Variants in DST observed in about 807,000 individuals in gnomAD.
The protein encoded by DST is bullous pemphigoid antigen.
In DST, 253 loss-of-function variants were observed where a neutral mutation model predicts 875.2. The observed-to-expected ratio is 0.29, with a 90% CI of 0.26 to 0.32. The LOEUF is 0.32. DST is among the 10% of genes least tolerant of loss of function. The pLI, the probability that DST is intolerant of heterozygous loss-of-function variation, is 1.00. For synonymous variants in DST, 3,124 were observed against 3,197.1 expected, an observed-to-expected ratio of 0.98 and a Z score of 0.77; for missense variants, 8,287 against 9,111.6, an observed-to-expected ratio of 0.91 and a Z score of 3.68.
chr6:56,535,164 C>G lies in DST; in HGVS notation c.16899G>C (p.Ser5633=), dbSNP rs369986184. 1 of 1,613,672 alleles carries G rather than the reference C, an allele frequency of 6.2e-7. No individual in the cohort carries two copies. The highest frequency in any genetic ancestry group is 1.3e-5 in the African/African-American group (1 of 74,900). ...GGGCCTTTACCACTTTGAACTCAGC[C>G]GACGGGGGCTTCTGATTGGCCACAA... is the stretch of plus-strand genomic sequence containing the variant. ...EELVANQKPP[S]AEFKVVKAQI... is the part of the protein sequence containing the mutation. Residue 5633 remains serine (S), a synonymous_variant, in exon 63 of 104, where the codon TCG becomes TCC. Transcript: ENST00000680361.
chr6:56,845,128 C>T (rs1323069398), intron 4 of DST, among the ~76,000 whole-genome samples: 1 of 152,188 alleles, frequency 6.6e-6, no homozygotes, highest in Non-Finnish European at 1.5e-5. Flanking sequence ...AGTACAGTGA[C>T]AGGATGATAC....
chr6:56,747,729 A>G (rs1589571251), intron 4 of DST, among the ~76,000 whole-genome samples: 3 of 152,268 alleles, frequency 2.0e-5, no homozygotes, highest in South Asian at 4.1e-4. Context: ...TATACCCCAA[A>G]GCACAGAGAT....
intron 32 of DST, among the ~76,000 whole-genome samples, chr6:56,628,424 T>C (rs1156463429): frequency 6.6e-6 from 1 of 152,180 alleles, no homozygotes; most frequent in Non-Finnish European, 1.5e-5. Flanking sequence ...AAGCTAAACT[T>C]AAAAAGCAAG....
At chr6:56,493,911 G>C in intron 83 of DST, 99 bp downstream of exon 83, 1 of 927,498 alleles carries the variant, frequency 1.1e-6, no homozygotes, top group Non-Finnish European at 1.5e-6. Flanking sequence ...ATAAATCATT[G>C]AAAGTTCTAC....
intron 4 of DST, among the ~76,000 whole-genome samples, chr6:56,761,851 T>C (rs930637506): frequency 2.0e-5 from 3 of 152,208 alleles, no homozygotes; most frequent in African/African-American, 4.8e-5. Context: ...CAAATAATTA[T>C]ATATAGAAAC....
intron 54 of DST, among the ~76,000 whole-genome samples, chr6:56,569,631 A>T (rs1371497681): frequency 6.6e-6 from 1 of 152,202 alleles, no homozygotes; most frequent in Non-Finnish European, 1.5e-5. Flanking sequence ...TCAGCAACTC[A>T]TTAATTCACC....
At chr6:56,940,839 G>A (rs539966967) in intron 2 of DST, among the ~76,000 whole-genome samples, 5 of 151,304 alleles carry the variant, frequency 3.3e-5, no homozygotes, top group South Asian at 2.1e-4. Flanking sequence ...ATCCTCCCCC[G>A]TCAGCCTCCC....
chr6:56,639,326 A>T lies in DST; in HGVS notation c.2897T>A (p.Ile966Asn), dbSNP rs753002748. ...MRELDQKEENIKSVQEIAEQL... is the reference protein window; with the variant it reads ...MRELDQKEENNKSVQEIAEQL... Reference sequence around the variant, plus strand: ...CTCTGCTATCTCCTGAACTGATTTAATATTTTCTTCCTTTTGATCAAGTTC... The same window carrying T: ...CTCTGCTATCTCCTGAACTGATTTATTATTTTCTTCCTTTTGATCAAGTTC... The change falls in exon 22 of 104, where the codon ATT (isoleucine) becomes AAT (asparagine). Residue 966 changes from isoleucine (I) to asparagine (N), a missense_variant. This residue lies in a region of DST where 1,160 missense variants were observed against 1,424.3 expected (regional missense o/e 0.81). Transcript: ENST00000680361. 3.7e-6 allele frequency: 6 copies of T among 1,613,784 alleles called. No homozygotes were observed. The East Asian group carries it at 1.1e-4, about 30-fold the overall frequency.
rs1472787333 is a variant in DST at position 56,508,733 on chromosome 6, T to C, written c.19035A>G (p.Gln6345=). ...SAKAVQDKLD[Q]MVFIWENIHT... is the part of the protein sequence containing the mutation. Reference sequence around the variant, plus strand: ...GTATGTTCTCCCAAATGAAAACCATTTGGTCAAGCTTATCCTGAACAGCTA... The same window carrying C: ...GTATGTTCTCCCAAATGAAAACCATCTGGTCAAGCTTATCCTGAACAGCTA... Residue 6345 remains glutamine, a synonymous_variant, in exon 75 of 104, where the codon CAA becomes CAG. Coordinates refer to ENST00000680361, the MANE Select transcript of DST (RefSeq NM_001374736.1). 1 of 1,613,520 alleles carries C rather than the reference T, an allele frequency of 6.2e-7. No homozygotes were observed.
rs751132203 is a variant in DST, at chr6:56,603,239, G to A, written c.11123C>T (p.Thr3708Met). The A allele has an allele frequency of 1.4e-5, 23 of 1,606,502 alleles. No individual in the cohort carries two copies. The highest frequency in any genetic ancestry group is 1.2e-4 in the South Asian group (11 of 90,160). Residue 3708 changes from threonine to methionine, a missense_variant, in exon 42 of 104, where the codon ACG becomes ATG. Transcript: ENST00000680361. The part of the protein sequence containing the change: ...SSLSNVSSER[T>M]KQIMLAIDSE... ...GTCGATCGCAAGCATGATCTGTTTC[G>A]TTCTTTCTGAAGACACGTTGCTGAG...
At chr6:56,495,266 A>G (rs2095866992) in intron 82 of DST, among the ~76,000 whole-genome samples, 3 of 151,976 alleles carry the variant, frequency 2.0e-5, no homozygotes, top group Non-Finnish European at 4.4e-5. Context: ...AAAGAACTTT[A>G]TTGAAATGAT....
chr6:56,638,408 C>G (rs1446238468), intron 22 of DST, among the ~76,000 whole-genome samples: 1 of 152,074 alleles, frequency 6.6e-6, no homozygotes. Flanking sequence ...TCCTGATGAG[C>G]CTAGAATTGT....
intron 4 of DST, among the ~76,000 whole-genome samples, chr6:56,746,352 C>A (rs1032353672): frequency 6.6e-6 from 1 of 152,058 alleles, no homozygotes; most frequent in Non-Finnish European, 1.5e-5. Context: ...ACTTTCTGAA[C>A]CAATAACTCT....
Position 56,517,574 on chromosome 6 carries a change from T to C in DST, c.18176A>G (p.Glu6059Gly), listed in dbSNP as rs1042703628. 6 of 1,613,346 alleles carry C rather than the reference T, an allele frequency of 3.7e-6. No homozygotes were observed. The highest frequency in any genetic ancestry group is 5.1e-6 in the Non-Finnish European group (6 of 1,179,600). ...DAELSWITET[E>G]KKLMSLGDIR... Reference sequence around the variant, plus strand: ...GTCACCCAGAGACATCAATTTTTTTTCTGTTTCAGTAATCCAGGATAACTC... The same window carrying C: ...GTCACCCAGAGACATCAATTTTTTTCCTGTTTCAGTAATCCAGGATAACTC... The change falls in exon 70 of 104, where the codon GAA becomes GGA. Residue 6059 changes from glutamate (E) to glycine (G), a missense_variant. Transcript: ENST00000680361.
intron 4 of DST, chr6:56,844,100 T>G (rs942025276): frequency 2.6e-5 from 4 of 152,502 alleles, no homozygotes; most frequent in Non-Finnish European, 5.9e-5. Context: ...TTGGAAATAC[T>G]TTCTTCCACC....
chr6:56,493,444 C>G (rs891899160), intron 83 of DST, among the ~76,000 whole-genome samples: 1 of 152,004 alleles, frequency 6.6e-6, no homozygotes, highest in Non-Finnish European at 1.5e-5. Flanking sequence ...GAAATACATA[C>G]TTTATGCTCC....
At chr6:56,824,157 C>A (rs796684260) in intron 4 of DST, among the ~76,000 whole-genome samples, 1 of 152,156 alleles carries the variant, frequency 6.6e-6, no homozygotes, top group African/African-American at 2.4e-5. Flanking sequence ...TGCAGGCGCG[C>A]GCCGCCACGC....
intron 5 of DST, among the ~76,000 whole-genome samples, chr6:56,722,376 A>G (rs143373340): frequency 1.5e-5 from 2 of 135,250 alleles, no homozygotes; most frequent in African/African-American, 6.4e-5. Flanking sequence ...TTGTTTATTT[A>G]TTTATTTATT....
At position 56,641,952 on chromosome 6, in the gene DST, T is replaced by C. The variant is rs571312585; in HGVS notation, c.2022A>G (p.Val674=). The C allele has an allele frequency of 1.9e-6, 3 of 1,612,396 alleles. No individual in the cohort carries two copies. The highest frequency in any genetic ancestry group is 1.3e-5 in the African/African-American group (1 of 75,006). The change falls in exon 17 of 104, where the codon GTA becomes GTG. Residue 674 remains valine (V), a synonymous_variant. Coordinates refer to ENST00000680361, the MANE Select transcript of DST (RefSeq NM_001374736.1). The stretch of plus-strand genomic sequence containing the variant: ...AGAATAAGTAGCACTCTTACCTCTG[T>C]ACCAATTGATCTGCCTGGTAGTATT... ...DGKYYQADQL[V]QRVAKLRDEI... is the part of the protein sequence containing the mutation.
Sources: allele counts gnomAD v4.1 joint callset (sites outside exome capture counted in the v4.1 genomes callset), GRCh38; gene constraint gnomAD v4.1.1; regional missense constraint gnomAD v4.1.1; transcripts MANE v1.5; gene names NCBI Gene and HGNC (gene_info 2026-07-23, HGNC 2026-07-21).